Variants in LHFPL6 observed in about 807,000 individuals in gnomAD.
The protein encoded by LHFPL6 is LHFPL tetraspan subfamily member 6, also known as LHFPL tetraspan subfamily member 6 protein.
In LHFPL6, 9 loss-of-function variants were observed where a neutral mutation model predicts 20.6. That is an observed-to-expected ratio of 0.44 (90% CI 0.26 to 0.76). LHFPL6 has a LOEUF of 0.76. Ranked by LOEUF, LHFPL6 falls within the 30% of genes least tolerant of loss-of-function variation. The pLI is 0.20. For synonymous variants in LHFPL6, 105 were observed against 98.7 expected, an observed-to-expected ratio of 1.06 and a Z score of -0.38; for missense variants, 218 against 253.5, an observed-to-expected ratio of 0.86 and a Z score of 0.95.
intron 2 of LHFPL6, among the ~76,000 whole-genome samples, chr13:39,383,827 G>C (rs1178143982): frequency 1.3e-5 from 2 of 152,152 alleles, no homozygotes; most frequent in African/African-American, 4.8e-5. Flanking sequence ...TGCAGCCAGG[G>C]GCAAGCCTTT....
chr13:39,584,696 T>C (rs1322067743), intron 2 of LHFPL6, among the ~76,000 whole-genome samples: 4 of 152,036 alleles, frequency 2.6e-5, no homozygotes, highest in African/African-American at 9.7e-5. Flanking sequence ...ACAGGCTTAA[T>C]GTCTAGGATT....
intron 2 of LHFPL6, among the ~76,000 whole-genome samples, chr13:39,402,219 TTAA>T (rs1270452768): frequency 6.6e-6 from 1 of 152,188 alleles, no homozygotes; most frequent in Non-Finnish European, 1.5e-5. Context: ...TTAAAATTAA[TTAA>T]TTAATATTTT....
chr13:39,489,136 C>T (rs1868828366), intron 2 of LHFPL6, among the ~76,000 whole-genome samples: 1 of 152,188 alleles, frequency 6.6e-6, no homozygotes, highest in Admixed American at 6.5e-5. Flanking sequence ...AGTTTTGTGG[C>T]ATCTCATTAA....
intron 2 of LHFPL6, among the ~76,000 whole-genome samples, chr13:39,426,850 G>T (rs2138400920): frequency 6.6e-6 from 1 of 152,202 alleles, no homozygotes; most frequent in Admixed American, 6.5e-5. Context: ...AGGTCACAAA[G>T]ATTTTCTCCC....
chr13:39,447,182 A>T (rs758138434), intron 2 of LHFPL6, among the ~76,000 whole-genome samples: 1 of 152,218 alleles, frequency 6.6e-6, no homozygotes, highest in Admixed American at 6.5e-5. Context: ...GTTACTGTGA[A>T]ACCCAATCAT....
chr13:39,487,877 C>T (rs549924283), intron 2 of LHFPL6, among the ~76,000 whole-genome samples: 32 of 152,186 alleles, frequency 2.1e-4, no homozygotes, highest in South Asian at 4.1e-4. Flanking sequence ...GAAACCCTAT[C>T]TCTGCTAAAA....
At chr13:39,455,615 A>T (rs1167971756) in intron 2 of LHFPL6, among the ~76,000 whole-genome samples, 1 of 152,204 alleles carries the variant, frequency 6.6e-6, no homozygotes, top group East Asian at 1.9e-4. Flanking sequence ...AGGAAGAGAA[A>T]TGCCTTATGA....
chr13:39,573,952 C>T (rs1230577046), intron 2 of LHFPL6, among the ~76,000 whole-genome samples: 1 of 152,152 alleles, frequency 6.6e-6, no homozygotes, highest in East Asian at 1.9e-4. Flanking sequence ...CTTCTCTCAT[C>T]ATTCCAGAGA....
intron 2 of LHFPL6, among the ~76,000 whole-genome samples, chr13:39,381,418 A>G (rs554346400): frequency 6.6e-6 from 1 of 152,206 alleles, no homozygotes; most frequent in Admixed American, 6.6e-5. Flanking sequence ...GTAACCAGGG[A>G]CCTTGGTTTT....
intron 2 of LHFPL6, among the ~76,000 whole-genome samples, chr13:39,507,151 G>A (rs1010965709): frequency 3.3e-5 from 5 of 152,274 alleles, no homozygotes; most frequent in African/African-American, 9.6e-5. Context: ...AACATGATGC[G>A]TAATGTGTGC....
intron 3 of LHFPL6, among the ~76,000 whole-genome samples, chr13:39,355,897 T>C (rs1869712852): frequency 6.6e-6 from 1 of 152,208 alleles, no homozygotes; most frequent in Admixed American, 6.5e-5. Flanking sequence ...GAAGCACTTC[T>C]AAACCCATGA....
At chr13:39,385,242 T>C (rs912720640) in intron 2 of LHFPL6, among the ~76,000 whole-genome samples, 4 of 152,350 alleles carry the variant, frequency 2.6e-5, no homozygotes, top group South Asian at 2.1e-4. Flanking sequence ...AACAGATGAC[T>C]TGATAATTCT....
chr13:39,560,870 T>C (rs1871457052), intron 2 of LHFPL6, among the ~76,000 whole-genome samples: 1 of 152,120 alleles, frequency 6.6e-6, no homozygotes, highest in Admixed American at 6.5e-5. Flanking sequence ...AAGCAGTTTG[T>C]CATGTCCACT....
chr13:39,488,240 C>T (rs1868791946), intron 2 of LHFPL6, among the ~76,000 whole-genome samples: 1 of 152,200 alleles, frequency 6.6e-6, no homozygotes, highest in Non-Finnish European at 1.5e-5. Context: ...TCTGGGAATT[C>T]CCAGCCTCCA....
chr13:39,376,084 C>T (rs753187636), intron 3 of LHFPL6, among the ~76,000 whole-genome samples: 1 of 152,076 alleles, frequency 6.6e-6, no homozygotes, highest in Non-Finnish European at 1.5e-5. Context: ...ATGCTGGGGA[C>T]ATACAAAATA....
intron 2 of LHFPL6, among the ~76,000 whole-genome samples, chr13:39,487,574 G>A (rs1203242406): frequency 1.3e-5 from 2 of 152,210 alleles, no homozygotes; most frequent in Admixed American, 1.3e-4. Context: ...GTGGTTTTAT[G>A]CTCTAAAAGC....
At chr13:39,438,163 T>C (rs184391140) in intron 2 of LHFPL6, among the ~76,000 whole-genome samples, 140 of 152,272 alleles carry the variant, frequency 9.2e-4, no homozygotes, top group African/African-American at 3.3e-3. Flanking sequence ...CAGGAACTTA[T>C]TGGAAACTGC....
At chr13:39,562,050 A>C (rs1429499582) in intron 2 of LHFPL6, among the ~76,000 whole-genome samples, 1 of 152,228 alleles carries the variant, frequency 6.6e-6, no homozygotes, top group East Asian at 1.9e-4. Context: ...CCCATGAGTT[A>C]TAAATAAGAA....
rs940557900 is a variant in LHFPL6 at position 39,586,456 on chromosome 13, A to G, written c.385+14376T>C. Among the ~76,000 whole-genome samples the G allele has an allele frequency of 2.0e-5, 3 of 152,220 alleles. No homozygotes were observed. The South Asian group carries it at 6.2e-4, about 32-fold the overall frequency. ...ACGACAATATTTACTACTTTAAAAA[A>G]TAACCCACTGAAAGCCAAAACAGTT... is the stretch of plus-strand genomic sequence containing the variant. On this transcript the variant is annotated intron_variant, in intron 2 of 3. Transcript: ENST00000379589.
Sources: gnomAD v4.1 joint callset for allele counts (sites outside exome capture counted in the v4.1 genomes callset) on GRCh38, gnomAD v4.1.1 for gene constraint, MANE v1.5 for transcripts, NCBI Gene and HGNC (gene_info 2026-07-23, HGNC 2026-07-21) for gene names.